Variants in TMEM39B observed in about 807,000 individuals in gnomAD.
The protein encoded by TMEM39B is transmembrane protein 39B.
Under a neutral mutation model 52.2 loss-of-function variants are expected in TMEM39B, and 23 were observed. That is an observed-to-expected ratio of 0.44 (90% CI 0.32 to 0.62). The LOEUF (loss-of-function observed/expected upper bound fraction) is 0.62. TMEM39B is among the 20% of genes least tolerant of loss of function. The pLI, the probability that TMEM39B is intolerant of heterozygous loss-of-function variation, is 0.06. For missense variants in TMEM39B, 547 were observed against 642.0 expected (o/e 0.85, Z 1.60); for synonymous variants, 285 against 264.0 (o/e 1.08, Z -0.77).
chr1:32,094,283 C>T (rs566910577), intron 6 of TMEM39B, among the ~76,000 whole-genome samples: 4 of 151,566 alleles, frequency 2.6e-5, no homozygotes, highest in Non-Finnish European at 5.9e-5. Context: ...CACGCCACCA[C>T]GCCCGGCTAA....
rs756453765 is a variant in TMEM39B at position 32,076,871 on chromosome 1, A to G, written c.435+25A>G. 41 of 1,612,646 alleles carry G rather than the reference A, an allele frequency of 2.5e-5. No individual in the cohort carries two copies. The African/African-American group carries it at 5.5e-4, about 22-fold the overall frequency. On this transcript the variant is annotated intron_variant, in intron 4 of 8. Transcript: ENST00000336294. ...GGTGATTGGGTCCTAGAGGCTGGCCAGGGACTTTGGGATTCCCCTTTTCCC... is the reference window on the plus strand; with the variant it reads ...GGTGATTGGGTCCTAGAGGCTGGCCGGGGACTTTGGGATTCCCCTTTTCCC...
At chr1:32,080,773 T>C (rs1640062501) in intron 5 of TMEM39B, among the ~76,000 whole-genome samples, 1 of 151,986 alleles carries the variant, frequency 6.6e-6, no homozygotes, top group African/African-American at 2.4e-5. Flanking sequence ...CCCAATGTCA[T>C]ATTATGCTTT....
intron 1 of TMEM39B, chr1:32,073,273 C>T: frequency 1.8e-6 from 1 of 547,966 alleles, no homozygotes; most frequent in East Asian, 3.6e-5. Context: ...AGACGAAGCC[C>T]TGTGGGGGCT....
At position 32,100,552 on chromosome 1, in the gene TMEM39B, TC is replaced by T. The variant is rs1640982566; in HGVS notation, c.1228del (p.Arg410AlafsTer31). On this transcript the variant is annotated frameshift_variant, in exon 8 of 9. Transcript: ENST00000336294. LOFTEE classifies it high-confidence loss of function. The stretch of plus-strand genomic sequence containing the variant: ...GCTATCCCCTCTGACGTCTCCCACT[TC>T]CGCTTCCATGTGAGTCTCCTCCCCG... ...NVAIPSDVSH[F>X]RFHFFFSKPL... The T allele has an allele frequency of 1.2e-6, 2 of 1,614,022 alleles. No homozygotes were observed. The highest frequency in any genetic ancestry group is 2.2e-5 in the East Asian group (1 of 44,894).
At chr1:32,074,585 C>G (rs1402807238) in intron 1 of TMEM39B, among the ~76,000 whole-genome samples, 1 of 151,964 alleles carries the variant, frequency 6.6e-6, no homozygotes, top group African/African-American at 2.4e-5. Context: ...AGAGTGAATT[C>G]TGGTGGAAAA....
At chr1:32,077,957 G>A (rs1175564343) in intron 5 of TMEM39B, among the ~76,000 whole-genome samples, 4 of 152,136 alleles carry the variant, frequency 2.6e-5, no homozygotes, top group Non-Finnish European at 4.4e-5. Context: ...GGAGAACTTT[G>A]GTGAGGTGTT....
chr1:32,096,898 G>T (rs1401602133), intron 7 of TMEM39B, among the ~76,000 whole-genome samples: 1 of 151,192 alleles, frequency 6.6e-6, no homozygotes, highest in African/African-American at 2.4e-5. Context: ...ACAACCTCCT[G>T]GGCTCAGGTG....
chr1:32,100,576 C>T lies in TMEM39B; in HGVS notation c.1236+14C>T, dbSNP rs376045779. 93 of 1,613,948 alleles carry T rather than the reference C, an allele frequency of 5.8e-5. No individual in the cohort carries two copies. The highest frequency in any genetic ancestry group is 7.6e-5 in the Non-Finnish European group (90 of 1,179,980). Reference sequence around the variant, plus strand: ...TTCCGCTTCCATGTGAGTCTCCTCCCCGGGGAAGGAGGGTTGGGGCCTGAG... The same window carrying T: ...TTCCGCTTCCATGTGAGTCTCCTCCTCGGGGAAGGAGGGTTGGGGCCTGAG... On this transcript the variant is annotated intron_variant, in intron 8 of 8. Transcript: ENST00000336294.
chr1:32,075,848 GTGTGTGTGTGTGTGTGCGTGTGTGTGTA>G (rs1404527752), intron 3 of TMEM39B, 26 bp downstream of exon 3: 1 of 1,348,606 alleles, frequency 7.4e-7, no homozygotes, highest in East Asian at 2.5e-5. Flanking sequence ...GGGTGTGTGT[GTGTGTGTGTGTGTGTGCGTGTGTGTGTA>G]TGTGTGTGTG....
intron 1 of TMEM39B, 148 bp downstream of exon 1, chr1:32,073,199 G>C: frequency 1.0e-6 from 1 of 1,002,692 alleles, no homozygotes. Flanking sequence ...GCCCCCTCCT[G>C]TCGTTTTGCG....
chr1:32,102,316 A>G (rs1419126304), intron 8 of TMEM39B, 115 bp from the exon 9 acceptor site: 5 of 1,414,636 alleles, frequency 3.5e-6, no homozygotes, highest in Non-Finnish European at 4.8e-6. Context: ...TTCCCCACCC[A>G]TGTCTGCATG....
At chr1:32,073,557 G>A (rs1159355032) in intron 1 of TMEM39B, 2 of 992,704 alleles carry the variant, frequency 2.0e-6, no homozygotes, top group African/African-American at 1.7e-5. Flanking sequence ...GAGCTTCTGG[G>A]CTGAGGGGCT....
intron 1 of TMEM39B, chr1:32,073,938 C>T (rs939821597): frequency 2.1e-6 from 2 of 968,028 alleles, no homozygotes; most frequent in Non-Finnish European, 1.2e-6. Flanking sequence ...TAATAGAGAC[C>T]GGGTTTCGCC....
At chr1:32,088,273 C>T (rs1461150647) in intron 5 of TMEM39B, among the ~76,000 whole-genome samples, 2 of 134,114 alleles carry the variant, frequency 1.5e-5, no homozygotes, top group East Asian at 2.4e-4. Context: ...AAAAATTAGT[C>T]GGGTATAGTG....
At chr1:32,100,702 A>C (rs758485389) in intron 8 of TMEM39B, 140 bp downstream of exon 8, 49 of 1,171,062 alleles carry the variant, frequency 4.2e-5, no homozygotes, top group Non-Finnish European at 5.8e-5. Context: ...CACATGTAGC[A>C]CAAGGACAGC....
rs781137187 is a variant in TMEM39B, at chr1:32,095,013, G to A, written c.1115+42G>A. On this transcript the variant is annotated intron_variant, in intron 7 of 8. Transcript: ENST00000336294. ...TGCTCAACCCAATCCCAGCCCTTCT[G>A]GTCAGCATCTGGAGTCACTTGTCCA... The A allele has an allele frequency of 3.1e-6, 5 of 1,598,934 alleles. No individual in the cohort carries two copies. The South Asian group carries it at 5.5e-5, about 18-fold the overall frequency.
intron 7 of TMEM39B, among the ~76,000 whole-genome samples, 155 bp downstream of exon 7, chr1:32,095,126 G>A (rs904001742): frequency 1.1e-4 from 17 of 152,188 alleles, no homozygotes; most frequent in Non-Finnish European, 1.9e-4. Context: ...GGGTATGGTG[G>A]GGCCTGACAC....
chr1:32,097,927 C>T (rs1431676828), intron 7 of TMEM39B, among the ~76,000 whole-genome samples: 4 of 152,132 alleles, frequency 2.6e-5, no homozygotes, highest in South Asian at 2.1e-4. Context: ...CCACCGTGCC[C>T]GGCCCCCAAC....
chr1:32,095,120 A>G (rs1478181378), intron 7 of TMEM39B, 149 bp downstream of exon 7: 35 of 930,020 alleles, frequency 3.8e-5, no homozygotes, highest in Middle Eastern at 3.4e-4. Flanking sequence ...AGGGTGGGGT[A>G]TGGTGGGGCC....
Sources: allele counts gnomAD v4.1 joint callset (sites outside exome capture counted in the v4.1 genomes callset), GRCh38; gene constraint gnomAD v4.1.1; transcripts MANE v1.5; gene names NCBI Gene and HGNC (gene_info 2026-07-23, HGNC 2026-07-21).